The following ARHGEF3 variants were observed in gnomAD, a reference collection of about 807,000 sequenced individuals.
ARHGEF3 encodes Rho guanine nucleotide exchange factor 3.
ARHGEF3 carries 28 observed loss-of-function variants against 63.2 expected under a neutral mutation model. The observed-to-expected ratio is 0.44, with a 90% confidence interval of 0.33 to 0.61. The LOEUF is 0.61. ARHGEF3 is among the 20% of genes least tolerant of loss of function. The pLI, the probability that ARHGEF3 is intolerant of heterozygous loss-of-function variation, is 0.03. For missense variants in ARHGEF3, 533 were observed against 659.3 expected (o/e 0.81, Z 2.10); for synonymous variants, 266 against 254.2 (o/e 1.05, Z -0.44).
intron 3 of ARHGEF3, among the ~76,000 whole-genome samples, chr3:56,926,227 G>A (rs182520124): frequency 1.3e-5 from 2 of 152,198 alleles, no homozygotes; most frequent in East Asian, 3.9e-4. Context: ...GCAAAGGTGA[G>A]AAGTGGGAAC....
intron 3 of ARHGEF3, among the ~76,000 whole-genome samples, chr3:56,937,040 T>C (rs1253705615): frequency 6.6e-6 from 1 of 152,156 alleles, no homozygotes; most frequent in East Asian, 1.9e-4. Context: ...AAAAGACAAA[T>C]TGGTCTTTTC....
At chr3:56,740,090 G>A (rs1578380575) in intron 7 of ARHGEF3, among the ~76,000 whole-genome samples, 1 of 152,014 alleles carries the variant, frequency 6.6e-6, no homozygotes, top group East Asian at 1.9e-4. Context: ...AGTAGAGACA[G>A]GCTTTCTCCA....
chr3:56,985,474 A>G (rs2106922842), intron 2 of ARHGEF3, among the ~76,000 whole-genome samples: 1 of 152,362 alleles, frequency 6.6e-6, no homozygotes, highest in South Asian at 2.1e-4. Flanking sequence ...GGGCAGCCAG[A>G]ATAGCATTGC....
At chr3:56,775,476 T>C in intron 1 of ARHGEF3, 1 of 1,000,868 alleles carries the variant, frequency 1.0e-6, no homozygotes, top group Non-Finnish European at 1.2e-6. Context: ...AGACGGAGAA[T>C]GCAACCAGGC....
chr3:56,736,428 C>T (rs1040319244), intron 8 of ARHGEF3, among the ~76,000 whole-genome samples: 5 of 152,044 alleles, frequency 3.3e-5, no homozygotes, highest in African/African-American at 4.8e-5. Flanking sequence ...AAATATGCAA[C>T]CAATAGAAGA....
intron 3 of ARHGEF3, among the ~76,000 whole-genome samples, chr3:56,909,666 T>C (rs905889261): frequency 6.6e-6 from 1 of 152,260 alleles, no homozygotes; most frequent in Non-Finnish European, 1.5e-5. Context: ...CATATTCATT[T>C]AGGACCTAAT....
At chr3:57,054,323 T>G (rs1704808188) in intron 1 of ARHGEF3, among the ~76,000 whole-genome samples, 1 of 152,050 alleles carries the variant, frequency 6.6e-6, no homozygotes, top group Admixed American at 6.6e-5. Context: ...GCTCAAGTCT[T>G]TTATCCTTTT....
chr3:56,975,279 G>A (rs148361784), intron 2 of ARHGEF3, among the ~76,000 whole-genome samples: 35,302 of 151,894 alleles, frequency 0.23, 4,770 homozygotes, highest in East Asian at 0.37. Flanking sequence ...TTAGCCGAGC[G>A]TGGTGGTGCT....
chr3:56,869,423 C>T (rs2040362439), intron 4 of ARHGEF3, among the ~76,000 whole-genome samples: 1 of 152,204 alleles, frequency 6.6e-6, no homozygotes, highest in Admixed American at 6.5e-5. Flanking sequence ...GTAAGTTAAA[C>T]AGCAGGGTAG....
chr3:56,804,608 T>C (rs1347145913), upstream of ARHGEF3, among the ~76,000 whole-genome samples: 3 of 152,164 alleles, frequency 2.0e-5, no homozygotes, highest in Admixed American at 2.0e-4. Context: ...CCAACTGAAA[T>C]TGAAGAGAGC....
At chr3:56,795,653 C>CTT (rs1324495358) in intron 1 of ARHGEF3, among the ~76,000 whole-genome samples, 1 of 69,264 alleles carries the variant, frequency 1.4e-5, no homozygotes. Context: ...CAGTCTCTCT[C>CTT]TCTTTTTTTT....
chr3:56,960,973 C>T (rs959901333), intron 2 of ARHGEF3: 1 of 152,148 alleles, frequency 6.6e-6, no homozygotes, highest in African/African-American at 2.4e-5. Context: ...ACAATATATA[C>T]CAGAACATTC....
chr3:57,034,984 T>C, intron 2 of ARHGEF3: 1 of 943,818 alleles, frequency 1.1e-6, no homozygotes, highest in Non-Finnish European at 1.5e-6. Context: ...CTTGATGGCC[T>C]CTACTGACTT....
rs765980880 is a variant in ARHGEF3, at chr3:57,074,133, CTG to C, written c.-28+5091_-28+5092del. ...GAGGACCACAGGATGGTTGTGGAGA[CTG>C]TGTGAGGATATAGATGCCGAGCCCA... On this transcript the variant is annotated intron_variant, in intron 1 of 12. Coordinates refer to the ARHGEF3 transcript ENST00000338458. The C allele has an allele frequency of 3.7e-6, 6 of 1,613,894 alleles. No homozygotes were observed. In the Admixed American group the frequency reaches 6.7e-5, roughly 18 times the overall value.
At chr3:56,736,375 A>T (rs538410540) in intron 8 of ARHGEF3, among the ~76,000 whole-genome samples, 24 of 152,206 alleles carry the variant, frequency 1.6e-4, no homozygotes, top group Non-Finnish European at 2.8e-4. Context: ...CAGTATCTAC[A>T]TGGGAATAAA....
At chr3:56,980,187 G>C (rs1701272733) in intron 2 of ARHGEF3, among the ~76,000 whole-genome samples, 1 of 152,216 alleles carries the variant, frequency 6.6e-6, no homozygotes, top group African/African-American at 2.4e-5. Flanking sequence ...GTAGCAAGAA[G>C]ACTTGCTTAT....
intron 4 of ARHGEF3, among the ~76,000 whole-genome samples, chr3:56,848,094 T>C: frequency 6.6e-6 from 1 of 152,136 alleles, no homozygotes; most frequent in Non-Finnish European, 1.5e-5. Context: ...AGGAAATAGC[T>C]TTAAAGAGAG....
At chr3:56,840,064 C>T (rs559111727) in intron 4 of ARHGEF3, among the ~76,000 whole-genome samples, 9 of 152,100 alleles carry the variant, frequency 5.9e-5, no homozygotes, top group African/African-American at 4.8e-5. Context: ...GAGGATCAGA[C>T]GGAGCTCTGG....
intron 6 of ARHGEF3, among the ~76,000 whole-genome samples, chr3:56,747,162 C>T (rs1251948960): frequency 6.6e-6 from 1 of 151,778 alleles, no homozygotes; most frequent in Non-Finnish European, 1.5e-5. Context: ...GGCCTCAGGC[C>T]CTCTTCATTT....
Sources: allele counts gnomAD v4.1 joint callset (sites outside exome capture counted in the v4.1 genomes callset), GRCh38; gene constraint gnomAD v4.1.1; transcripts MANE v1.5; gene names NCBI Gene and HGNC (gene_info 2026-07-23, HGNC 2026-07-21).